The following PIP4K2B variants were observed in gnomAD, a reference collection of about 807,000 sequenced individuals.
PIP4K2B encodes the protein phosphatidylinositol-5-phosphate 4-kinase type 2 beta.
PIP4K2B carries 3 observed loss-of-function variants against 42.0 expected under a neutral mutation model. The observed-to-expected ratio is 0.07, with a 90% CI of 0.03 to 0.18. The LOEUF (loss-of-function observed/expected upper bound fraction) is 0.18, where lower values mean the gene tolerates loss of function less well. PIP4K2B is among the 10% of genes least tolerant of loss of function. PIP4K2B has a pLI of 1.00. For synonymous variants in PIP4K2B, 204 were observed against 210.1 expected (o/e 0.97, Z 0.25); for missense variants, 332 against 562.3 (o/e 0.59, Z 4.14).
chr17:38,777,237 T>A (rs1045492885), intron 7 of PIP4K2B, among the ~76,000 whole-genome samples: 5 of 152,076 alleles, frequency 3.3e-5, no homozygotes, highest in African/African-American at 4.8e-5. Context: ...CTAAATTTTT[T>A]AATTTTTAGT....
chr17:38,780,348 G>T, intron 4 of PIP4K2B, 104 bp downstream of exon 4: 1 of 910,370 alleles, frequency 1.1e-6, no homozygotes, highest in Non-Finnish European at 1.6e-6. Flanking sequence ...AGAAGCAGCT[G>T]CCATTACCAG....
chr17:38,774,014 G>T (rs1414305264), intron 7 of PIP4K2B, among the ~76,000 whole-genome samples: 2 of 152,192 alleles, frequency 1.3e-5, no homozygotes, highest in African/African-American at 2.4e-5. Flanking sequence ...GGCAGAATAA[G>T]GAAAGAACAT....
chr17:38,766,271 C>T lies in PIP4K2B; in HGVS notation c.*3420G>A, dbSNP rs374350539. The T allele has an allele frequency of 2.0e-5, 3 of 152,462 alleles. No homozygotes were observed. The highest frequency in any genetic ancestry group is 2.9e-5 in the Non-Finnish European group (2 of 68,104). 9.4% of individuals were successfully genotyped at this position (152,462 alleles called of 1,614,324 possible). On this transcript the variant is annotated 3_prime_UTR_variant, in exon 10 of 10. Coordinates refer to ENST00000619039, the MANE Select transcript of PIP4K2B (RefSeq NM_003559.5). Reference sequence around the variant, plus strand: ...ATGACTGCCAGGAAGAGATGAGGCTCCTAGACTTGGGGGGCCACAGGTTTA... The same window carrying T: ...ATGACTGCCAGGAAGAGATGAGGCTTCTAGACTTGGGGGGCCACAGGTTTA...
rs1416528362 is a variant in PIP4K2B, at chr17:38,770,558, C to G, written c.1067-19G>C. 1 of 1,428,266 alleles carries G rather than the reference C, an allele frequency of 7.0e-7. No individual in the cohort carries two copies. The highest frequency in any genetic ancestry group is 1.4e-5 in the African/African-American group (1 of 71,054). 88.5% of individuals were successfully genotyped at this position (1,428,266 alleles called of 1,614,324 possible). On this transcript the variant is annotated intron_variant, in intron 8 of 9. Transcript: ENST00000619039. ...GGGGAACCTGGAGGGACAAGGAGAG[C>G]AGGGAAGAAGGAAGAGGGGGCAGGA...
chr17:38,782,143 G>T (rs1016495164), intron 3 of PIP4K2B, among the ~76,000 whole-genome samples: 1 of 152,170 alleles, frequency 6.6e-6, no homozygotes, highest in African/African-American at 2.4e-5. Flanking sequence ...GGCTGTTCCC[G>T]TTACAGAAAG....
At chr17:38,795,694 T>C (rs1027283277) in intron 1 of PIP4K2B, among the ~76,000 whole-genome samples, 5 of 149,072 alleles carry the variant, frequency 3.4e-5, no homozygotes, top group African/African-American at 1.2e-4. Flanking sequence ...GAGGTTACAG[T>C]GAACTGAGAT....
At chr17:38,773,809 G>A (rs926801968) in intron 7 of PIP4K2B, among the ~76,000 whole-genome samples, 23 of 152,280 alleles carry the variant, frequency 1.5e-4, no homozygotes, top group Admixed American at 7.2e-4. Context: ...CAGGGAGAAG[G>A]GGCTAGGGTC....
chr17:38,782,140 C>T (rs1050855773), intron 3 of PIP4K2B, among the ~76,000 whole-genome samples: 18 of 152,198 alleles, frequency 1.2e-4, no homozygotes, highest in South Asian at 6.2e-4. Flanking sequence ...ACAGGCTGTT[C>T]CCGTTACAGA....
intron 6 of PIP4K2B, 61 bp from the exon 7 acceptor site, chr17:38,777,861 A>T (rs1909452663): frequency 1.7e-6 from 2 of 1,208,354 alleles, no homozygotes; most frequent in Admixed American, 3.4e-5. Flanking sequence ...GGGACACCCA[A>T]CTGTTCTGCC....
At position 38,771,046 on chromosome 17, in the gene PIP4K2B, G is replaced by C. The variant is rs756057266; in HGVS notation, c.1034C>G (p.Ser345Cys). Reference sequence around the variant, plus strand: ...GCTTTTCATGGCATAGACGTCAACAGAGGGGTCGAATTCCCCAGGACCAAA... The same window carrying C: ...GCTTTTCATGGCATAGACGTCAACACAGGGGTCGAATTCCCCAGGACCAAA... ...RFFGPGEFDP[S>C]VDVYAMKSHE... The change falls in exon 8 of 10, where the codon TCT becomes TGT. Residue 345 changes from serine to cysteine, a missense_variant. Around this residue, in one of 6 missense-constraint regions of PIP4K2B, gnomAD observed 63 missense variants for 71.6 expected, o/e 0.88. Transcript: ENST00000619039. 1.2e-6 allele frequency: 2 copies of C among 1,614,184 alleles called. No homozygotes were observed. The highest frequency in any genetic ancestry group is 4.5e-5 in the East Asian group (2 of 44,882).
intron 7 of PIP4K2B, among the ~76,000 whole-genome samples, chr17:38,776,345 G>A (rs777441222): frequency 6.6e-6 from 1 of 152,312 alleles, no homozygotes; most frequent in South Asian, 2.1e-4. Flanking sequence ...GATTGCCAGG[G>A]GTTAGGGAGG....
In PIP4K2B at chr17:38,767,522, A is replaced by T. The variant is rs751796607; in HGVS notation, c.*2169T>A. On this transcript the variant is annotated 3_prime_UTR_variant, in exon 10 of 10. Coordinates refer to ENST00000619039, the MANE Select transcript of PIP4K2B (RefSeq NM_003559.5). ...ATGTAAACAATATACAAAACACACA[A>T]ACATACACACACACACACAAACTCA... is the stretch of plus-strand genomic sequence containing the variant. 1.3e-5 allele frequency: 2 copies of T among 152,318 alleles called. No homozygotes were observed. The highest frequency in any genetic ancestry group is 2.9e-5 in the Non-Finnish European group (2 of 67,958). 9.4% of individuals were successfully genotyped at this position (152,318 alleles called of 1,614,324 possible). A position where few individuals can be genotyped will look rare whatever the true frequency, so the allele number is the denominator to read the frequency against.
chr17:38,785,529 A>C (rs1014653220), intron 2 of PIP4K2B, among the ~76,000 whole-genome samples: 2 of 152,190 alleles, frequency 1.3e-5, no homozygotes, highest in East Asian at 3.9e-4. Context: ...ATACAAAAAA[A>C]TTAGCCGGGC....
At position 38,776,654 on chromosome 17, in the gene PIP4K2B, C is replaced by CA. The variant is rs533170653; in HGVS notation, c.807+1032dup. On this transcript the variant is annotated intron_variant, in intron 7 of 9. Coordinates refer to ENST00000619039, the MANE Select transcript of PIP4K2B (RefSeq NM_003559.5). ...AAAAAAAACAAAACAAACAAACAAA[C>CA]AAAAAAAACACCTATTATTATATGT... 1,182 of 433,086 alleles carry CA rather than the reference C, an allele frequency of 2.7e-3. 9 individuals are homozygous for CA. Among genetic ancestry groups the CA allele is most frequent in the South Asian group, 5.2e-3 (316 of 60,632 alleles). The allele number at this position is 433,086 out of a possible 1,614,324, so 26.8% of individuals were successfully genotyped here.
At chr17:38,783,458 C>T (rs1435566883) in intron 3 of PIP4K2B, among the ~76,000 whole-genome samples, 2 of 152,142 alleles carry the variant, frequency 1.3e-5, no homozygotes, top group Non-Finnish European at 2.9e-5. Context: ...GACCAACTCC[C>T]CACTCCCACC....
chr17:38,777,452 G>A (rs980215775), intron 7 of PIP4K2B, among the ~76,000 whole-genome samples: 11 of 152,162 alleles, frequency 7.2e-5, no homozygotes, highest in African/African-American at 2.7e-4. Context: ...TAGTGAAAAG[G>A]GAAAAGCATT....
intron 1 of PIP4K2B, among the ~76,000 whole-genome samples, chr17:38,794,557 C>G (rs228237): frequency 0.31 from 37,601 of 122,854 alleles, 7,474 homozygotes; most frequent in African/African-American, 0.55. Flanking sequence ...AGGATTGCTT[C>G]AGGCCAGAAG....
rs1187752892 is a variant in PIP4K2B at position 38,767,821 on chromosome 17, T to A, written c.*1870A>T. 3.3e-5 allele frequency: 5 copies of A among 152,274 alleles called. No homozygotes were observed. Among genetic ancestry groups the A allele is most frequent in the Admixed American group, 2.6e-4 (4 of 15,286 alleles). 9.4% of individuals were successfully genotyped at this position (152,274 alleles called of 1,614,324 possible). Reference sequence around the variant, plus strand: ...ATCCCTTTCCCAAGTCAAATTTGTTTTCTCCATGAGCCAGTTGGTTTCAAG... The same window carrying A: ...ATCCCTTTCCCAAGTCAAATTTGTTATCTCCATGAGCCAGTTGGTTTCAAG... On this transcript the variant is annotated 3_prime_UTR_variant, in exon 10 of 10. Transcript: ENST00000619039.
At chr17:38,796,991 G>A (rs1396992223) in intron 1 of PIP4K2B, among the ~76,000 whole-genome samples, 2 of 152,134 alleles carry the variant, frequency 1.3e-5, no homozygotes, top group East Asian at 1.9e-4. Flanking sequence ...TGGGGACACT[G>A]AAGTATCAGA....
Sources: allele counts gnomAD v4.1 joint callset (sites outside exome capture counted in the v4.1 genomes callset), GRCh38; gene constraint gnomAD v4.1.1; regional missense constraint gnomAD v4.1.1; transcripts MANE v1.5; gene names NCBI Gene and HGNC (gene_info 2026-07-23, HGNC 2026-07-21).